MAP4K2: variants seen among roughly 807,000 people sequenced by gnomAD.
The protein encoded by MAP4K2 is B lymphocyte serine/threonine protein kinase.
Under a neutral mutation model 125.3 loss-of-function variants are expected in MAP4K2, and 85 were observed. That is an observed-to-expected ratio of 0.68 (90% confidence interval 0.57 to 0.81). The LOEUF (loss-of-function observed/expected upper bound fraction) is 0.81. Ranked by LOEUF, MAP4K2 falls within the 40% of genes least tolerant of loss-of-function variation. The probability of loss-of-function intolerance (pLI) is 0.00; values close to 1 mark genes in which losing one functional copy is unlikely to be tolerated. For missense variants in MAP4K2, 923 were observed against 1,056.4 expected (o/e 0.87, Z 1.75); for synonymous variants, 479 against 445.1 (o/e 1.08, Z -0.96).
chr11:64,792,622 G>A (rs1466360664), intron 24 of MAP4K2, among the ~76,000 whole-genome samples, 200 bp from the exon 25 acceptor site: 2 of 152,196 alleles, frequency 1.3e-5, no homozygotes, highest in Admixed American at 1.3e-4. Context: ...GAAGCCAGGA[G>A]GGAGTGTCTC....
At position 64,792,373 on chromosome 11, in the gene MAP4K2, A is replaced by C; in HGVS notation, c.1801T>G (p.Cys601Gly). The C allele has an allele frequency of 7.2e-7, 1 of 1,392,772 alleles. No individual in the cohort carries two copies. The highest frequency in any genetic ancestry group is 9.6e-7 in the Non-Finnish European group (1 of 1,038,262). The allele number at this position is 1,392,772 out of a possible 1,614,324, so 86.3% of individuals were successfully genotyped here. A position where few individuals can be genotyped will look rare whatever the true frequency, so the allele number is the denominator to read the frequency against. The change falls in exon 25 of 32, where the codon TGT becomes GGT. Residue 601 changes from cysteine (C) to glycine (G), a missense_variant. Transcript: ENST00000294066. The stretch of plus-strand genomic sequence containing the variant: ...CCAGCCCATTTCTTACCCACACGAC[A>C]CTGCAAGCAGCCTTTGGTGTCAGGA... ...KIPDTKGCLQ[C>G]RVVRNPYTGA...
chr11:64,800,069 A>T (rs1941067248), intron 12 of MAP4K2, 40 bp downstream of exon 12: 1 of 1,497,876 alleles, frequency 6.7e-7, no homozygotes, highest in South Asian at 1.2e-5. Flanking sequence ...CTTTCTAAGC[A>T]GACCAGCCCA....
Position 64,792,018 on chromosome 11 carries a change from C to T in MAP4K2, c.1983G>A (p.Leu661=). The change falls in exon 27 of 32, where the codon CTG becomes CTA. Residue 661 remains leucine, a synonymous_variant. Coordinates refer to ENST00000294066, the MANE Select transcript of MAP4K2 (RefSeq NM_004579.5). ...CCTCGGCCCCAACACACACCTGCGG[C>T]AGCTCCTTCCCATCCAGCACCAGCG... The part of the protein sequence containing the change: ...LEPLVLDGKE[L]PQVCVGAEGP... 6.3e-7 allele frequency: 1 copy of T among 1,597,710 alleles called. No individual in the cohort carries two copies. The highest frequency in any genetic ancestry group is 1.3e-5 in the African/African-American group (1 of 74,740).
intron 8 of MAP4K2, 26 bp downstream of exon 8, chr11:64,801,084 AC>A: frequency 1.2e-6 from 2 of 1,613,372 alleles, no homozygotes; most frequent in Non-Finnish European, 1.7e-6. Flanking sequence ...TGTGGCCCCT[AC>A]CCCTCCGCCC....
At chr11:64,801,436 G>T in intron 7 of MAP4K2, 143 bp downstream of exon 7, 1 of 988,948 alleles carries the variant, frequency 1.0e-6, no homozygotes, top group South Asian at 1.5e-5. Context: ...CAGCAGGGAG[G>T]GAGTACCGTT....
intron 24 of MAP4K2, among the ~76,000 whole-genome samples, chr11:64,793,119 G>A (rs1940599293): frequency 1.3e-5 from 2 of 152,192 alleles, no homozygotes; most frequent in South Asian, 4.1e-4. Context: ...GGGAGGCTGA[G>A]GCAGGAGAAT....
Position 64,797,484 on chromosome 11 carries a change from C to T in MAP4K2, c.1170+17G>A. ...CAGTGGCCTGGATCCCAGCTCCAGC[C>T]TCCCTCTGTGTGGCACCTGGAATTC... On this transcript the variant is annotated intron_variant, in intron 17 of 31. Transcript: ENST00000294066. 1 of 1,561,374 alleles carries T rather than the reference C, an allele frequency of 6.4e-7. No homozygotes were observed. Among genetic ancestry groups the T allele is most frequent in the Non-Finnish European group, 8.7e-7 (1 of 1,152,092 alleles).
intron 25 of MAP4K2, 42 bp from the exon 26 acceptor site, chr11:64,792,317 C>G: frequency 6.3e-7 from 1 of 1,580,170 alleles, no homozygotes; most frequent in Non-Finnish European, 8.6e-7. Context: ...TGGGCCTGCG[C>G]TGCCCCCCAC....
At chr11:64,793,271 G>T (rs1011048110) in intron 24 of MAP4K2, among the ~76,000 whole-genome samples, 1 of 152,102 alleles carries the variant, frequency 6.6e-6, no homozygotes, top group Non-Finnish European at 1.5e-5. Flanking sequence ...GAGGGGCTGG[G>T]GAGGATGCAG....
chr11:64,789,968 G>A lies in MAP4K2; in HGVS notation c.2249-9C>T. On this transcript the variant is annotated splice_polypyrimidine_tract_variant and intron_variant, in intron 29 of 31. Transcript: ENST00000294066. The stretch of plus-strand genomic sequence containing the variant: ...ACTGTCCTGCAGGCACACTATGGGG[G>A]CCAGGCCACCATCAGCCCTGCACCC... The A allele has an allele frequency of 6.2e-7, 1 of 1,612,880 alleles. No individual in the cohort carries two copies. The highest frequency in any genetic ancestry group is 8.5e-7 in the Non-Finnish European group (1 of 1,179,846).
rs966473118 is a variant in MAP4K2, at chr11:64,797,154, G to A, written c.1315C>T (p.Pro439Ser). Reference sequence around the variant, plus strand: ...GTGGCCCAGGCCGTGGGCAGCAGTGGGGAGCTGTTGGGGCCTGAAGGAGGT... The same window carrying A: ...GTGGCCCAGGCCGTGGGCAGCAGTGAGGAGCTGTTGGGGCCTGAAGGAGGT... ...PPPPSGPNSS[P>S]LLPTAWATMK... The change falls in exon 19 of 32, where the codon CCA becomes TCA. Residue 439 changes from proline (P) to serine (S), a missense_variant. This residue lies in a region of MAP4K2 where 833 missense variants were observed against 911.4 expected (regional missense o/e 0.91). Coordinates refer to ENST00000294066, the MANE Select transcript of MAP4K2 (RefSeq NM_004579.5). 1.9e-6 allele frequency: 3 copies of A among 1,613,980 alleles called. No homozygotes were observed. The highest frequency in any genetic ancestry group is 1.7e-6 in the Non-Finnish European group (2 of 1,180,008).
intron 15 of MAP4K2, 127 bp from the exon 16 acceptor site, chr11:64,797,791 C>T (rs1208909448): frequency 3.6e-5 from 33 of 921,338 alleles, no homozygotes; most frequent in African/African-American, 3.3e-4. Context: ...CTGCAAGCTC[C>T]GCCCCCCAAG....
At chr11:64,792,760 G>A (rs1940577414) in intron 24 of MAP4K2, among the ~76,000 whole-genome samples, 1 of 152,170 alleles carries the variant, frequency 6.6e-6, no homozygotes, top group African/African-American at 2.4e-5. Context: ...CCCCACCCCA[G>A]AGAGTCACAG....
Position 64,792,175 on chromosome 11 carries a change from C to A in MAP4K2, c.1911G>T (p.Leu637=), listed in dbSNP as rs1165011352. 6 of 1,609,980 alleles carry A rather than the reference C, an allele frequency of 3.7e-6. No homozygotes were observed. Among genetic ancestry groups the A allele is most frequent in the Non-Finnish European group, 5.1e-6 (6 of 1,178,550 alleles). The part of the protein sequence containing the change: ...WYEPLQKFLL[L]KNFSSPLPSP... ...GCCTCCCCCCACCGCCCCTCACCTT[C>A]AGCAGCAGAAACTTCTGCAGCGGCT... The change falls in exon 26 of 32, where the codon CTG becomes CTT. Residue 637 remains leucine, a synonymous_variant. Coordinates refer to ENST00000294066, the MANE Select transcript of MAP4K2 (RefSeq NM_004579.5).
At position 64,802,277 on chromosome 11, in the gene MAP4K2, G is replaced by A. The variant is rs550176832; in HGVS notation, c.310+142C>T. On this transcript the variant is annotated intron_variant, in intron 4 of 31. Transcript: ENST00000294066. ...GTCTAGGATACTGAACCCAGAGATG[G>A]ACAGTATTTCTCTCAAGGTCACACA... The A allele has an allele frequency of 1.5e-5, 16 of 1,086,624 alleles. No homozygotes were observed. The Admixed American group carries it at 3.3e-4, about 22-fold the overall frequency. 67.3% of individuals were successfully genotyped at this position (1,086,624 alleles called of 1,614,324 possible).
intron 6 of MAP4K2, 25 bp downstream of exon 6, chr11:64,801,685 G>A (rs1314014041): frequency 3.1e-6 from 5 of 1,613,908 alleles, no homozygotes; most frequent in Non-Finnish European, 2.5e-6. Flanking sequence ...TCCCTCCCCA[G>A]GAGTGCCCCC....
chr11:64,801,527 C>A, intron 7 of MAP4K2, 52 bp downstream of exon 7: 1 of 1,604,326 alleles, frequency 6.2e-7, no homozygotes. Context: ...TCCAGGGTAG[C>A]CGGGGAGGGT....
In MAP4K2 at chr11:64,797,292, G is replaced by A; in HGVS notation, c.1259C>T (p.Pro420Leu). The change falls in exon 18 of 32, where the codon CCT becomes CTT. Residue 420 changes from proline to leucine, a missense_variant. Pro to Leu is a moderately conservative substitution (Grantham distance 98, BLOSUM62 -3). Transcript: ENST00000294066. Reference protein sequence around the residue: ...PLPTDPPAEEPLSSPPGTLPP... With the variant: ...PLPTDPPAEELLSSPPGTLPP... Reference sequence around the variant, plus strand: ...AGACTCACCTGGGGGACTGGACAGAGGCTCCTCTGCTGGAGGGTCAGTGGG... The same window carrying A: ...AGACTCACCTGGGGGACTGGACAGAAGCTCCTCTGCTGGAGGGTCAGTGGG... 1 of 1,601,874 alleles carries A rather than the reference G, an allele frequency of 6.2e-7. No individual in the cohort carries two copies. Among genetic ancestry groups the A allele is most frequent in the Non-Finnish European group, 8.5e-7 (1 of 1,174,450 alleles).
chr11:64,796,598 C>T (rs368592164), intron 22 of MAP4K2, 36 bp downstream of exon 22: 3 of 1,613,894 alleles, frequency 1.9e-6, no homozygotes, highest in African/African-American at 1.3e-5. Flanking sequence ...CAGGCCCCCA[C>T]AAGGCCTCTG....
Sources: allele counts gnomAD v4.1 joint callset (sites outside exome capture counted in the v4.1 genomes callset), GRCh38; gene constraint gnomAD v4.1.1; regional missense constraint gnomAD v4.1.1; transcripts MANE v1.5; gene names NCBI Gene and HGNC (gene_info 2026-07-23, HGNC 2026-07-21).